The following ASNS variants were observed in gnomAD, a reference collection of about 807,000 sequenced individuals.
ASNS encodes asparagine synthetase (glutamine-hydrolyzing), also known as asparagine synthetase [glutamine-hydrolyzing].
ASNS carries 37 observed loss-of-function variants against 62.6 expected under a neutral mutation model. The observed-to-expected ratio is 0.59, with a 90% CI of 0.45 to 0.78. The LOEUF is 0.78. ASNS is among the 30% of genes least tolerant of loss of function. ASNS has a pLI of 0.00. For missense variants in ASNS, 520 were observed against 682.4 expected (o/e 0.76, Z 2.65); for synonymous variants, 207 against 237.9 (o/e 0.87, Z 1.19).
At chr7:97,925,555 C>T in the ASNS span, among the ~76,000 whole-genome samples, 3 of 152,264 alleles carry the variant, frequency 2.0e-5, no homozygotes, top group African/African-American at 7.2e-5. Context: ...ACCACCACCA[C>T]CATGAATGGT....
the ASNS span, among the ~76,000 whole-genome samples, chr7:97,913,651 C>T: frequency 3.3e-5 from 5 of 151,534 alleles, no homozygotes; most frequent in East Asian, 1.9e-4. Flanking sequence ...GTTTCTATAA[C>T]TTGCCCAAGC....
chr7:97,892,795 A>G, the ASNS span, among the ~76,000 whole-genome samples: 29 of 152,346 alleles, frequency 1.9e-4, no homozygotes, highest in African/African-American at 6.7e-4. Flanking sequence ...TATTGTCCAT[A>G]TAACCATCAG....
the ASNS span, among the ~76,000 whole-genome samples, chr7:97,896,709 T>TACAC: frequency 5.2e-4 from 19 of 36,676 alleles, no homozygotes; most frequent in East Asian, 1.5e-3. Context: ...TGTGTATATA[T>TACAC]ATACACACAC....
intron 4 of ASNS, 112 bp downstream of exon 4, chr7:97,864,147 C>A: frequency 3.3e-6 from 3 of 922,424 alleles, no homozygotes; most frequent in Non-Finnish European, 4.9e-6. Context: ...AGACTCATAA[C>A]TTAGTCACTT....
chr7:97,879,076 G>A, the ASNS span, among the ~76,000 whole-genome samples: 6 of 152,142 alleles, frequency 3.9e-5, no homozygotes, highest in Non-Finnish European at 8.8e-5. Context: ...ATGGTGCTGG[G>A]AAAACTGGCT....
At chr7:97,868,831 C>A in intron 3 of ASNS, 77 bp downstream of exon 3, 2 of 1,572,718 alleles carry the variant, frequency 1.3e-6, no homozygotes, top group Non-Finnish European at 1.7e-6. Context: ...AAGCATGATA[C>A]AGAATATGTA....
chr7:97,873,847 C>T (rs1296909296), upstream of ASNS, among the ~76,000 whole-genome samples: 1 of 152,118 alleles, frequency 6.6e-6, no homozygotes, highest in Non-Finnish European at 1.5e-5. Context: ...ACTTCTCCAC[C>T]TCACTTTCTA....
At chr7:97,903,990 A>AG in the ASNS span, among the ~76,000 whole-genome samples, 241 of 152,272 alleles carry the variant, frequency 1.6e-3, 1 homozygote, top group Non-Finnish European at 2.3e-3. Context: ...GGATTGAGTT[A>AG]GGGTGGTTCA....
the ASNS span, among the ~76,000 whole-genome samples, chr7:97,907,693 C>G: frequency 0.84 from 127,481 of 151,420 alleles, 53,947 homozygotes; most frequent in East Asian, 0.91. Flanking sequence ...GGTGTGAACC[C>G]AGGAGGCAGA....
At chr7:97,872,268 C>T (rs992781157) in intron 1 of ASNS, 83 bp downstream of exon 1, 2 of 151,012 alleles carry the variant, frequency 1.3e-5, no homozygotes, top group South Asian at 2.1e-4. Context: ...CATCCTCCAC[C>T]CCTTCCTTCC....
At chr7:97,876,432 T>C (rs1432295132), upstream of ASNS, among the ~76,000 whole-genome samples, 1 of 149,278 alleles carries the variant, frequency 6.7e-6, no homozygotes, top group African/African-American at 2.5e-5. Flanking sequence ...CAAACATATT[T>C]TTTTTTTTTT....
the ASNS span, chr7:97,908,323 T>C: frequency 6.6e-6 from 1 of 152,178 alleles, no homozygotes; most frequent in Non-Finnish European, 1.5e-5. Context: ...AGGAAACAAA[T>C]GGTCACCAAT....
At chr7:97,869,484 C>A (rs1216390253) in intron 2 of ASNS, among the ~76,000 whole-genome samples, 2 of 152,188 alleles carry the variant, frequency 1.3e-5, no homozygotes, top group South Asian at 4.1e-4. Context: ...AGCGTCCATG[C>A]CACATCTGTC....
the ASNS span, chr7:97,898,552 CTGGAAT>C: frequency 1.7e-6 from 1 of 588,142 alleles, no homozygotes; most frequent in South Asian, 1.7e-5. Flanking sequence ...CCAATGTTGT[CTGGAAT>C]CAATTTATTG....
At chr7:97,893,747 A>G in the ASNS span, among the ~76,000 whole-genome samples, 1 of 152,240 alleles carries the variant, frequency 6.6e-6, no homozygotes, top group Admixed American at 6.5e-5. Flanking sequence ...TTAAATCTAC[A>G]TGGAGAGATA....
chr7:97,858,239 T>G, intron 7 of ASNS, 39 bp downstream of exon 7: 1 of 1,607,566 alleles, frequency 6.2e-7, no homozygotes, highest in Admixed American at 1.7e-5. Context: ...ACAAGTCTAC[T>G]CTAACTACAC....
At chr7:97,888,539 A>G in the ASNS span, among the ~76,000 whole-genome samples, 1 of 152,212 alleles carries the variant, frequency 6.6e-6, no homozygotes, top group Non-Finnish European at 1.5e-5. Context: ...TCACTACGAC[A>G]GAGGTTATCT....
chr7:97,894,229 A>G, the ASNS span, among the ~76,000 whole-genome samples: 5 of 152,116 alleles, frequency 3.3e-5, no homozygotes, highest in African/African-American at 1.2e-4. Context: ...CAGTACTAGG[A>G]GAAAAGTTTA....
At chr7:97,896,741 C>CACACACACACATATAT in the ASNS span, among the ~76,000 whole-genome samples, 53 of 19,758 alleles carry the variant, frequency 2.7e-3, no homozygotes, top group African/African-American at 5.8e-3. Context: ...CACACACACA[C>CACACACACACATATAT]ATATATATAT....
Sources: gnomAD v4.1 joint callset for allele counts (sites outside exome capture counted in the v4.1 genomes callset) on GRCh38, gnomAD v4.1.1 for gene constraint, MANE v1.5 for transcripts, NCBI Gene and HGNC (gene_info 2026-07-23, HGNC 2026-07-21) for gene names.